ADAT1: variants seen among roughly 807,000 people sequenced by gnomAD.
ADAT1 encodes adenosine deaminase tRNA specific 1.
ADAT1 carries 58 observed loss-of-function variants against 58.6 expected under a neutral mutation model. The ratio of observed to expected loss-of-function variants is 0.99; its 90% confidence interval spans 0.80 to 1.23. ADAT1 has a LOEUF of 1.23. Among genes scored for constraint, ADAT1 ranks in the 50% most tolerant of loss-of-function variants. The pLI, the probability that ADAT1 is intolerant of heterozygous loss-of-function variation, is 0.00. For synonymous variants in ADAT1, 254 were observed against 220.8 expected (o/e 1.15, Z -1.33); for missense variants, 741 against 608.6 (o/e 1.22, Z -2.29).
At chr16:75,619,524 T>TAAA in intron 3 of ADAT1, 9 of 380,716 alleles carry the variant, frequency 2.4e-5, no homozygotes, top group East Asian at 7.7e-5. Context: ...CCCTGTCTCT[T>TAAA]AAAAAAAAAA....
rs753668375 is a variant in ADAT1, at chr16:75,612,342, A to G, written c.944T>C (p.Leu315Pro). The G allele has an allele frequency of 6.2e-7, 1 of 1,614,166 alleles. No individual in the cohort carries two copies. The change falls in exon 6 of 10, where the codon CTG becomes CCG. Residue 315 changes from leucine to proline, a missense_variant. Physicochemically the swap from Leu to Pro is moderately conservative, Grantham distance 98. Coordinates refer to ENST00000564657, the MANE Select transcript of ADAT1 (RefSeq NM_001324445.2). ...RWNVLGCQGA[L>P]LMHLLEEPIY... ...GGGCTCTTCCAGCAAGTGCATCAAC[A>G]GTGCCCCTTGGCATCCGAGGACGTT...
chr16:75,620,468 C>A (rs368914449), intron 2 of ADAT1, 134 bp from the exon 3 acceptor site: 7 of 1,394,568 alleles, frequency 5.0e-6, no homozygotes, highest in Non-Finnish European at 7.0e-6. Flanking sequence ...TCCAGCATGG[C>A]GGTCTCCCGC....
At chr16:75,608,559 A>C (rs552120277) in intron 7 of ADAT1, 1 of 582,890 alleles carries the variant, frequency 1.7e-6, no homozygotes, top group South Asian at 2.2e-5. Flanking sequence ...CTGGGCACAG[A>C]GTAAATGCAT....
At chr16:75,614,967 G>A (rs2081654830) in intron 5 of ADAT1, among the ~76,000 whole-genome samples, 1 of 152,170 alleles carries the variant, frequency 6.6e-6, no homozygotes, top group Non-Finnish European at 1.5e-5. Context: ...GTTCATGCCT[G>A]TAATCTCAGC....
intron 8 of ADAT1, among the ~76,000 whole-genome samples, chr16:75,603,578 C>A (rs1443348311): frequency 1.3e-5 from 2 of 152,182 alleles, no homozygotes; most frequent in East Asian, 3.9e-4. Flanking sequence ...ATAAAATCCA[C>A]TTGGACGAGC....
rs114885203 is a variant in ADAT1 at position 75,598,369 on chromosome 16, C to G, written c.*1847G>C. 3 of 184,136 alleles carry G rather than the reference C, an allele frequency of 1.6e-5. No individual in the cohort carries two copies. The highest frequency in any genetic ancestry group is 3.6e-5 in the Non-Finnish European group (3 of 83,202). 11.4% of individuals were successfully genotyped at this position (184,136 alleles called of 1,614,324 possible). A position where few individuals can be genotyped will look rare whatever the true frequency, so the allele number is the denominator to read the frequency against. On this transcript the variant is annotated 3_prime_UTR_variant, in exon 10 of 10. Transcript: ENST00000564657. ...GATTACAGGCGTGAGCCACTGCACCCGGCCAGGAATACATTTCTGTTGTCT... is the reference window on the plus strand; with the variant it reads ...GATTACAGGCGTGAGCCACTGCACCGGGCCAGGAATACATTTCTGTTGTCT...
Position 75,623,221 on chromosome 16 carries a change from G to A in ADAT1, c.-840C>T, listed in dbSNP as rs905540704. On this transcript the variant is annotated 5_prime_UTR_variant, in exon 1 of 10. Transcript: ENST00000564657. Reference sequence around the variant, plus strand: ...CTGCCCCGTCGCCCCAGCGCCTCGCGGACGCTCCCCTCCCACCTTCAGGAA... The same window carrying A: ...CTGCCCCGTCGCCCCAGCGCCTCGCAGACGCTCCCCTCCCACCTTCAGGAA... The A allele has an allele frequency of 6.6e-6, 1 of 152,314 alleles. No homozygotes were observed. 9.4% of individuals were successfully genotyped at this position (152,314 alleles called of 1,614,324 possible).
At chr16:75,605,030 C>A (rs2081332403) in intron 8 of ADAT1, among the ~76,000 whole-genome samples, 1 of 152,144 alleles carries the variant, frequency 6.6e-6, no homozygotes, top group South Asian at 2.1e-4. Flanking sequence ...GGATAAAGAC[C>A]TTTATGATGA....
intron 5 of ADAT1, among the ~76,000 whole-genome samples, 181 bp from the exon 6 acceptor site, chr16:75,613,042 T>C (rs775711376): frequency 6.6e-6 from 1 of 152,092 alleles, no homozygotes; most frequent in Non-Finnish European, 1.5e-5. Flanking sequence ...CTCCAGGTGA[T>C]TCTGATGCAA....
At chr16:75,620,421 G>A in intron 2 of ADAT1, 87 bp from the exon 3 acceptor site, 1 of 1,504,266 alleles carries the variant, frequency 6.6e-7, no homozygotes. Context: ...ACTCCTCTAG[G>A]GGATTCCCAG....
rs1296458322 is a variant in ADAT1 at position 75,608,992 on chromosome 16, A to G, written c.1044-4T>C. The G allele has an allele frequency of 1.2e-5, 20 of 1,613,898 alleles. No individual in the cohort carries two copies. Among genetic ancestry groups the G allele is most frequent in the Non-Finnish European group, 1.7e-5 (20 of 1,179,996 alleles). On this transcript the variant is annotated splice_region_variant and splice_polypyrimidine_tract_variant and intron_variant, in intron 6 of 9. Coordinates refer to ENST00000564657, the MANE Select transcript of ADAT1 (RefSeq NM_001324445.2). ...TAAAGCAGACACATTCTGACACCTAAATACAAGGGAAAATGCATTCAGTTT... is the reference window on the plus strand; with the variant it reads ...TAAAGCAGACACATTCTGACACCTAGATACAAGGGAAAATGCATTCAGTTT...
Position 75,620,260 on chromosome 16 carries a change from G to C in ADAT1, c.238+6C>G. 1 of 1,613,872 alleles carries C rather than the reference G, an allele frequency of 6.2e-7. No homozygotes were observed. Among genetic ancestry groups the C allele is most frequent in the Non-Finnish European group, 8.5e-7 (1 of 1,179,768 alleles). Reference sequence around the variant, plus strand: ...AATCTTTGTTTAGATTCCCACCCGTGCTTACCGTTCTTCCTCATTTTGGAC... The same window carrying C: ...AATCTTTGTTTAGATTCCCACCCGTCCTTACCGTTCTTCCTCATTTTGGAC... On this transcript the variant is annotated splice_donor_region_variant and intron_variant, in intron 3 of 9. Transcript: ENST00000564657.
In ADAT1 at chr16:75,600,092, ACAGAGATG is replaced by A; in HGVS notation, c.*116_*123del. On this transcript the variant is annotated 3_prime_UTR_variant, in exon 10 of 10. Transcript: ENST00000564657. ...TTCCAGATTCCATCTGTATTACACAACAGAGATGCAAAGCTCAGAAAGAATGTTCCCTG... is the reference window on the plus strand; with the variant it reads ...TTCCAGATTCCATCTGTATTACACAACAAAGCTCAGAAAGAATGTTCCCTG... The A allele has an allele frequency of 6.5e-7, 1 of 1,532,306 alleles. No individual in the cohort carries two copies. Among genetic ancestry groups the A allele is most frequent in the East Asian group, 2.3e-5 (1 of 44,074 alleles). 94.9% of individuals were successfully genotyped at this position (1,532,306 alleles called of 1,614,324 possible). A position where few individuals can be genotyped will look rare whatever the true frequency, so the allele number is the denominator to read the frequency against.
chr16:75,614,430 G>A (rs1453307070), intron 5 of ADAT1, among the ~76,000 whole-genome samples: 3 of 152,200 alleles, frequency 2.0e-5, no homozygotes, highest in East Asian at 1.9e-4. Flanking sequence ...CTTGAGAAGC[G>A]AAAGATTTCT....
Position 75,600,022 on chromosome 16 carries a change from C to A in ADAT1, c.*194G>T. ...GATAGTGAGGTCATTAGTGAGATGC[C>A]ATTTTAGCAGAGAGCTACTTCAATC... is the stretch of plus-strand genomic sequence containing the variant. On this transcript the variant is annotated 3_prime_UTR_variant, in exon 10 of 10. Coordinates refer to ENST00000564657, the MANE Select transcript of ADAT1 (RefSeq NM_001324445.2). 7.2e-7 allele frequency: 1 copy of A among 1,383,740 alleles called. No homozygotes were observed. Among genetic ancestry groups the A allele is most frequent in the Non-Finnish European group, 9.4e-7 (1 of 1,066,266 alleles). The allele number at this position is 1,383,740 out of a possible 1,614,324, so 85.7% of individuals were successfully genotyped here.
intron 9 of ADAT1, among the ~76,000 whole-genome samples, chr16:75,602,218 T>A (rs1444549958): frequency 1.3e-5 from 2 of 152,204 alleles, no homozygotes; most frequent in Admixed American, 1.3e-4. Context: ...CAATCAGTCA[T>A]AATAGTTAAT....
intron 3 of ADAT1, 180 bp from the exon 4 acceptor site, chr16:75,618,820 A>T: frequency 3.2e-6 from 2 of 630,808 alleles, no homozygotes; most frequent in Non-Finnish European, 5.2e-6. Context: ...TTCTCAACCC[A>T]GCACTGTAGA....
At chr16:75,621,318 C>G (rs895695563) in intron 1 of ADAT1, among the ~76,000 whole-genome samples, 1 of 146,494 alleles carries the variant, frequency 6.8e-6, no homozygotes, top group African/African-American at 2.5e-5. Context: ...TCTAGTAAAT[C>G]CCCACTGAAA....
intron 3 of ADAT1, among the ~76,000 whole-genome samples, chr16:75,619,348 C>T (rs1440579995): frequency 6.6e-6 from 1 of 151,892 alleles, no homozygotes; most frequent in African/African-American, 2.4e-5. Flanking sequence ...CACAGTGAGA[C>T]CAAATCTCTA....
Sources: allele counts gnomAD v4.1 joint callset (sites outside exome capture counted in the v4.1 genomes callset), GRCh38; gene constraint gnomAD v4.1.1; transcripts MANE v1.5; gene names NCBI Gene and HGNC (gene_info 2026-07-23, HGNC 2026-07-21).